CNBP: variants seen among roughly 807,000 people sequenced by gnomAD.
CNBP encodes the protein cellular nucleic acid-binding protein.
CNBP carries 6 observed loss-of-function variants against 21.2 expected under a neutral mutation model. That is an observed-to-expected ratio of 0.28 (90% CI 0.16 to 0.56). CNBP has a LOEUF of 0.56. CNBP is among the 20% of genes least tolerant of loss of function. CNBP has a pLI of 0.93. For missense variants in CNBP, 112 were observed against 233.1 expected (o/e 0.48, Z 3.38); for synonymous variants, 61 against 74.9 (o/e 0.81, Z 0.96).
At chr3:129,180,167 A>G (rs767977675) in intron 1 of CNBP, among the ~76,000 whole-genome samples, 4 of 152,218 alleles carry the variant, frequency 2.6e-5, no homozygotes, top group Non-Finnish European at 4.4e-5. Flanking sequence ...ACTACTATAT[A>G]TCTAGTAACT....
intron 1 of CNBP, among the ~76,000 whole-genome samples, chr3:129,172,098 G>A (rs563424983): frequency 3.3e-5 from 5 of 152,140 alleles, no homozygotes; most frequent in African/African-American, 1.2e-4. Flanking sequence ...GTGAACCCAG[G>A]AGGCGGAGCT....
At chr3:129,172,102 C>T (rs1023655796) in intron 1 of CNBP, among the ~76,000 whole-genome samples, 4 of 151,482 alleles carry the variant, frequency 2.6e-5, no homozygotes, top group African/African-American at 9.7e-5. Flanking sequence ...ACCCAGGAGG[C>T]GGAGCTTACA....
chr3:129,177,583 C>G (rs899794825), intron 1 of CNBP, among the ~76,000 whole-genome samples: 1 of 152,180 alleles, frequency 6.6e-6, no homozygotes, highest in Non-Finnish European at 1.5e-5. Flanking sequence ...AGAGAGTAGA[C>G]AGAACTCAGT....
rs1032439791 is a variant in CNBP at position 129,168,350 on chromosome 3, C to T, written c.*2103G>A. On this transcript the variant is annotated 3_prime_UTR_variant, in exon 5 of 5. Coordinates refer to ENST00000422453, the MANE Select transcript of CNBP (RefSeq NM_003418.5). ...CACCACTTCAGATCCTTATGAAACC[C>T]AGGAAAAGGTGGGGCACAGTGGCTC... 1.3e-5 allele frequency among the ~76,000 whole-genome samples: 2 copies of T among 151,944 alleles called. No individual in the cohort carries two copies. The highest frequency in any genetic ancestry group is 2.4e-5 in the African/African-American group (1 of 41,362).
chr3:129,183,505 C>T (rs1386432182), intron 1 of CNBP, among the ~76,000 whole-genome samples: 1 of 152,280 alleles, frequency 6.6e-6, no homozygotes, highest in East Asian at 1.9e-4. Flanking sequence ...AGCCTGCGGC[C>T]TGGGGTGCGG....
At chr3:129,174,371 A>G (rs2107639005) in intron 1 of CNBP, among the ~76,000 whole-genome samples, 1 of 150,322 alleles carries the variant, frequency 6.7e-6, no homozygotes, top group South Asian at 2.1e-4. Context: ...AAAAAAAAAA[A>G]AAACGAATGG....
chr3:129,183,502 G>A (rs1040705238), intron 1 of CNBP, among the ~76,000 whole-genome samples: 3 of 152,232 alleles, frequency 2.0e-5, no homozygotes, highest in East Asian at 1.9e-4. Flanking sequence ...CTAAGCCTGC[G>A]GCCTGGGGTG....
chr3:129,181,710 C>G (rs1938314564), intron 1 of CNBP, among the ~76,000 whole-genome samples: 1 of 148,022 alleles, frequency 6.8e-6, no homozygotes, highest in Non-Finnish European at 1.5e-5. Flanking sequence ...ATTTTACAGA[C>G]TGCACCATCT....
At chr3:129,179,307 T>A (rs946191896) in intron 1 of CNBP, among the ~76,000 whole-genome samples, 1 of 151,796 alleles carries the variant, frequency 6.6e-6, no homozygotes, top group Non-Finnish European at 1.5e-5. Flanking sequence ...AAAAAAGCAA[T>A]GAAAGGAAGC....
intron 1 of CNBP, among the ~76,000 whole-genome samples, chr3:129,175,719 C>T (rs1465240542): frequency 1.3e-5 from 2 of 152,172 alleles, no homozygotes; most frequent in South Asian, 2.1e-4. Context: ...TGAGCCACTG[C>T]GCCCAGCCTG....
Position 129,169,092 on chromosome 3 carries a change from A to G in CNBP, c.*1361T>C, listed in dbSNP as rs1336264468. Among the ~76,000 whole-genome samples the G allele has an allele frequency of 6.6e-6, 1 of 151,000 alleles. No homozygotes were observed. The highest frequency in any genetic ancestry group is 1.5e-5 in the Non-Finnish European group (1 of 67,818). ...ACTCCAGCCTGGGCAACAGAGCGACACTCTGTCTCAAAAAAAAATAAAAAA... is the reference window on the plus strand; with the variant it reads ...ACTCCAGCCTGGGCAACAGAGCGACGCTCTGTCTCAAAAAAAAATAAAAAA... On this transcript the variant is annotated 3_prime_UTR_variant, in exon 5 of 5. Transcript: ENST00000422453.
chr3:129,175,074 G>A (rs1158140437), intron 1 of CNBP, among the ~76,000 whole-genome samples: 1 of 151,954 alleles, frequency 6.6e-6, no homozygotes, highest in Non-Finnish European at 1.5e-5. Flanking sequence ...GCTCACGCCT[G>A]TAATCTCAGC....
At chr3:129,181,915 G>A (rs994426713) in intron 1 of CNBP, among the ~76,000 whole-genome samples, 1 of 151,996 alleles carries the variant, frequency 6.6e-6, no homozygotes, top group Non-Finnish European at 1.5e-5. Flanking sequence ...AACTCTTGTA[G>A]ACAAGAATCA....
At chr3:129,170,641 T>G (rs547071389) in intron 4 of CNBP, 71 bp from the exon 5 acceptor site, 19 of 1,209,184 alleles carry the variant, frequency 1.6e-5, no homozygotes, top group Non-Finnish European at 2.3e-5. Context: ...ACAGTCACCA[T>G]GCAGAACAAA....
At chr3:129,179,160 C>G (rs1938120048) in intron 1 of CNBP, among the ~76,000 whole-genome samples, 1 of 151,998 alleles carries the variant, frequency 6.6e-6, no homozygotes, top group Admixed American at 6.6e-5. Context: ...GCCTGTAGTT[C>G]CAAATACTCA....
chr3:129,183,227 C>A (rs1938436926), intron 1 of CNBP, among the ~76,000 whole-genome samples: 1 of 152,204 alleles, frequency 6.6e-6, no homozygotes, highest in Admixed American at 6.5e-5. Flanking sequence ...GGATTACAGG[C>A]GTGAGCCACC....
At chr3:129,182,724 C>T (rs1013238699) in intron 1 of CNBP, among the ~76,000 whole-genome samples, 1 of 152,106 alleles carries the variant, frequency 6.6e-6, no homozygotes, top group African/African-American at 2.4e-5. Context: ...TTTAAAGGAT[C>T]CCAGCAACTT....
rs1307094909 is a variant in CNBP, at chr3:129,168,725, G to A, written c.*1728C>T. On this transcript the variant is annotated 3_prime_UTR_variant, in exon 5 of 5. Transcript: ENST00000422453. ...ACCTGTAACACTAGCACTTTGGGGG[G>A]CGGGGCAGGTGGATCACCTGAGGTC... Among the ~76,000 whole-genome samples the A allele has an allele frequency of 2.6e-5, 4 of 151,356 alleles. No homozygotes were observed. Among genetic ancestry groups the A allele is most frequent in the Non-Finnish European group, 1.5e-5 (1 of 67,820 alleles).
rs561145522 is a variant in CNBP, at chr3:129,168,816, G to C, written c.*1637C>G. On this transcript the variant is annotated 3_prime_UTR_variant, in exon 5 of 5. Coordinates refer to ENST00000422453, the MANE Select transcript of CNBP (RefSeq NM_003418.5). ...TCTCTACTAAAAATACAAAAAATAG[G>C]CCGGGCGCGGTGGCTCACGCCTGTG... 4.6e-5 allele frequency among the ~76,000 whole-genome samples: 7 copies of C among 151,960 alleles called. No homozygotes were observed. The highest frequency in any genetic ancestry group is 1.7e-4 in the African/African-American group (7 of 41,468).
Sources: gnomAD v4.1 joint callset for allele counts (sites outside exome capture counted in the v4.1 genomes callset) on GRCh38, gnomAD v4.1.1 for gene constraint, MANE v1.5 for transcripts, NCBI Gene and HGNC (gene_info 2026-07-23, HGNC 2026-07-21) for gene names.